PCDHGB5: variants seen among roughly 807,000 people sequenced by gnomAD.
PCDHGB5 encodes the protein protocadherin gamma subfamily B, 5, also known as protocadherin gamma-B5.
A neutral mutation model predicts 62.9 loss-of-function variants in PCDHGB5; 48 were observed. The observed-to-expected ratio is 0.76, with a 90% CI of 0.61 to 0.97. The LOEUF is 0.97. Ranked by LOEUF, PCDHGB5 falls within the 50% of genes least tolerant of loss-of-function variation. The pLI is 0.00. For missense variants in PCDHGB5, 1,118 were observed against 1,198.6 expected, an observed-to-expected ratio of 0.93 and a Z score of 0.99; for synonymous variants, 474 against 511.2, an observed-to-expected ratio of 0.93 and a Z score of 0.98.
intron 1 of PCDHGB5, among the ~76,000 whole-genome samples, chr5:141,458,809 T>G (rs2098953834): frequency 6.6e-6 from 1 of 152,190 alleles, no homozygotes; most frequent in Non-Finnish European, 1.5e-5. Flanking sequence ...CTCAGCTCAC[T>G]GCAACCTCTG....
At chr5:141,508,739 C>A (rs1344024245) in intron 3 of PCDHGB5, among the ~76,000 whole-genome samples, 1 of 152,156 alleles carries the variant, frequency 6.6e-6, no homozygotes, top group African/African-American at 2.4e-5. Context: ...ACACCCCCCA[C>A]CCCGCTCTTT....
In PCDHGB5 at chr5:141,485,869, G is replaced by A; in HGVS notation, c.2398-8938G>A. On this transcript the variant is annotated intron_variant, in intron 1 of 3. Coordinates refer to ENST00000617380, the MANE Select transcript of PCDHGB5 (RefSeq NM_018925.3). The surrounding 1 kb of genome is among the most constrained non-coding windows in gnomAD (Gnocchi z 5.7). ...GCACCGCAGAGCTCCGGGTATCCGT[G>A]CTGGACGTAAACGACAACGCCCCAG... is the stretch of plus-strand genomic sequence containing the variant. 1 of 1,614,176 alleles carries A rather than the reference G, an allele frequency of 6.2e-7. No individual in the cohort carries two copies. The highest frequency in any genetic ancestry group is 8.5e-7 in the Non-Finnish European group (1 of 1,180,040).
At position 141,432,587 on chromosome 5, in the gene PCDHGB5, A is replaced by G. The variant is rs1344597432; in HGVS notation, c.2397+32063A>G. 5 of 1,613,132 alleles carry G rather than the reference A, an allele frequency of 3.1e-6. No homozygotes were observed. In the East Asian group the frequency reaches 8.9e-5, roughly 29 times the overall value. ...CGCCTGGCTGTCCTACCGTCTGCTC[A>G]AGGCCAGCGAGCCGGGACTCTTCTC... On this transcript the variant is annotated intron_variant, in intron 1 of 3. Transcript: ENST00000617380. This position sits in a 1 kb window ranked among gnomAD's most constrained non-coding sequence, Gnocchi z 6.0.
rs1232672788 is a variant in PCDHGB5, at chr5:141,431,315, G to A, written c.2397+30791G>A. The A allele has an allele frequency of 6.2e-7, 1 of 1,614,080 alleles. No individual in the cohort carries two copies. Among genetic ancestry groups the A allele is most frequent in the South Asian group, 1.1e-5 (1 of 91,078 alleles). On this transcript the variant is annotated intron_variant, in intron 1 of 3. Coordinates refer to ENST00000617380, the MANE Select transcript of PCDHGB5 (RefSeq NM_018925.3). The surrounding 1 kb of genome is among the most constrained non-coding windows in gnomAD (Gnocchi z 4.8). ...CTTCTCCCTCATCGTGCAAAATGGAGCCGACGGTAGTAAGTACCCCGAATT... is the reference window on the plus strand; with the variant it reads ...CTTCTCCCTCATCGTGCAAAATGGAACCGACGGTAGTAAGTACCCCGAATT...
intron 1 of PCDHGB5, among the ~76,000 whole-genome samples, chr5:141,406,837 CA>C (rs1174898109): frequency 6.6e-6 from 1 of 152,170 alleles, no homozygotes; most frequent in Non-Finnish European, 1.5e-5. Flanking sequence ...ACTTGCATAT[CA>C]GATATAATTT....
intron 1 of PCDHGB5, among the ~76,000 whole-genome samples, chr5:141,401,168 C>T (rs2094123018): frequency 1.3e-5 from 2 of 152,142 alleles, no homozygotes; most frequent in Non-Finnish European, 2.9e-5. Flanking sequence ...ATGGTGAAAA[C>T]CCGTCTCTAC....
At chr5:141,481,747 T>A (rs1319673737) in intron 1 of PCDHGB5, among the ~76,000 whole-genome samples, 3 of 151,684 alleles carry the variant, frequency 2.0e-5, no homozygotes, top group African/African-American at 7.3e-5. Flanking sequence ...AGGTCAGGAG[T>A]CCAAGACCAG....
chr5:141,430,480 A>G (rs2097288752), intron 1 of PCDHGB5: 1 of 256,116 alleles, frequency 3.9e-6, no homozygotes, highest in Admixed American at 5.4e-5. Context: ...TTAAGATATA[A>G]AAACGAAATA....
intron 1 of PCDHGB5, chr5:141,416,429 G>A (rs952059043): frequency 1.3e-5 from 2 of 152,144 alleles, no homozygotes; most frequent in African/African-American, 4.8e-5. Flanking sequence ...AGTGACTAAG[G>A]CTGAAAGTAA....
intron 1 of PCDHGB5, chr5:141,427,469 C>A: frequency 2.0e-6 from 1 of 510,092 alleles, no homozygotes; most frequent in Non-Finnish European, 3.8e-6. Flanking sequence ...TCGAATCTTC[C>A]GCCAATAATG....
chr5:141,445,025 C>T (rs2154560886), intron 1 of PCDHGB5, among the ~76,000 whole-genome samples: 2 of 152,200 alleles, frequency 1.3e-5, no homozygotes, highest in Middle Eastern at 6.8e-3. Flanking sequence ...TTTCTCTCAG[C>T]TATGTTGTAT....
chr5:141,496,287 C>T (rs768553690), intron 2 of PCDHGB5, among the ~76,000 whole-genome samples: 3 of 152,200 alleles, frequency 2.0e-5, no homozygotes, highest in Non-Finnish European at 4.4e-5. Flanking sequence ...TTGGTCTGAG[C>T]AGAGTGGGAT....
intron 1 of PCDHGB5, chr5:141,423,007 G>C (rs772337723): frequency 1.9e-6 from 3 of 1,614,242 alleles, no homozygotes; most frequent in Non-Finnish European, 2.5e-6. Flanking sequence ...CAAGGTGGTT[G>C]CGGTGGACAA....
chr5:141,410,485 A>G, intron 1 of PCDHGB5: 3 of 1,614,016 alleles, frequency 1.9e-6, no homozygotes, highest in Non-Finnish European at 1.7e-6. Flanking sequence ...ATACGGGTAC[A>G]AAAGAGTTTA....
At chr5:141,400,638 T>A in intron 1 of PCDHGB5, 114 bp downstream of exon 1, 1 of 1,325,472 alleles carries the variant, frequency 7.5e-7, no homozygotes, top group Non-Finnish European at 1.1e-6. Flanking sequence ...TCAGAGCTGC[T>A]CAGAAAGCTG....
intron 2 of PCDHGB5, among the ~76,000 whole-genome samples, chr5:141,502,576 T>C (rs1226513508): frequency 6.6e-6 from 1 of 152,168 alleles, no homozygotes; most frequent in African/African-American, 2.4e-5. Flanking sequence ...ATTATAAAAA[T>C]ATATTTTTAT....
rs1275819200 is a variant in PCDHGB5, at chr5:141,491,620, A to G, written c.2398-3187A>G. 5 of 1,613,788 alleles carry G rather than the reference A, an allele frequency of 3.1e-6. No individual in the cohort carries two copies. Among genetic ancestry groups the G allele is most frequent in the Non-Finnish European group, 4.2e-6 (5 of 1,180,014 alleles). On this transcript the variant is annotated intron_variant, in intron 1 of 3. Coordinates refer to ENST00000617380, the MANE Select transcript of PCDHGB5 (RefSeq NM_018925.3). The surrounding 1 kb of genome is among the most constrained non-coding windows in gnomAD (Gnocchi z 6.9). ...TGACTTCACTTTTCTAAGACCCCTC[A>G]GCGTTCAGCAGCCCACAGCTCTGGC...
In PCDHGB5 at chr5:141,405,117, C is replaced by T. The variant is rs200108286; in HGVS notation, c.2397+4593C>T. On this transcript the variant is annotated intron_variant, in intron 1 of 3. Transcript: ENST00000617380. The stretch of plus-strand genomic sequence containing the variant: ...CTCAGGCTGAGGCACTGGCACTCCT[C>T]GCATCTGCTGCGGGCTACCAGTGAT... The T allele has an allele frequency of 5.6e-5, 90 of 1,613,980 alleles. No individual in the cohort carries two copies. In the East Asian group the frequency reaches 9.6e-4, roughly 17 times the overall value.
intron 3 of PCDHGB5, chr5:141,508,010 CAAG>C (rs2099865550): frequency 6.6e-6 from 1 of 152,308 alleles, no homozygotes; most frequent in Non-Finnish European, 1.5e-5. Context: ...GGGATGCTCT[CAAG>C]GAGGCTGCGG....
Sources: allele counts gnomAD v4.1 joint callset (sites outside exome capture counted in the v4.1 genomes callset), GRCh38; gene constraint gnomAD v4.1.1; non-coding constraint Gnocchi (gnomAD v3.1); transcripts MANE v1.5; gene names NCBI Gene and HGNC (gene_info 2026-07-23, HGNC 2026-07-21).